ATP10A: variants seen among roughly 807,000 people sequenced by gnomAD.
ATP10A encodes the protein phospholipid-transporting ATPase VA.
ATP10A carries 111 observed loss-of-function variants against 147.8 expected under a neutral mutation model. The observed-to-expected ratio is 0.75, with a 90% CI of 0.64 to 0.88. The LOEUF (loss-of-function observed/expected upper bound fraction) is 0.88, where lower values mean the gene tolerates loss of function less well. ATP10A is among the 40% of genes least tolerant of loss of function. The probability of loss-of-function intolerance (pLI) is 0.00; values close to 1 mark genes in which losing one functional copy is unlikely to be tolerated. For synonymous variants in ATP10A, 875 were observed against 841.6 expected, an observed-to-expected ratio of 1.04 and a Z score of -0.69; for missense variants, 1,927 against 1,959.0, an observed-to-expected ratio of 0.98 and a Z score of 0.31.
intron 10 of ATP10A, 32 bp downstream of exon 10, chr15:25,713,642 G>A (rs778231338): frequency 3.1e-6 from 5 of 1,601,896 alleles, no homozygotes; most frequent in Admixed American, 1.7e-5. Context: ...CCTCCCCCGA[G>A]CTGGGGTGCA....
At chr15:25,864,783 A>G (rs1032163229), upstream of ATP10A, among the ~76,000 whole-genome samples, 4 of 152,184 alleles carry the variant, frequency 2.6e-5, no homozygotes, top group Admixed American at 6.5e-5. Flanking sequence ...GAAGGCCCAC[A>G]GCGCCTGCAG....
chr15:25,789,565 A>AGTGTGTGTGTGTGTGTGTGTGTGTGT (rs59744412), intron 1 of ATP10A, among the ~76,000 whole-genome samples: 99 of 141,436 alleles, frequency 7.0e-4, no homozygotes, highest in African/African-American at 2.1e-3. Flanking sequence ...CCAATAAAGA[A>AGTGTGTGTGTGTGTGTGTGTGTGTGT]GTGTGTGTGT....
chr15:25,859,608 T>C (rs1255414858), intron 1 of ATP10A, among the ~76,000 whole-genome samples: 1 of 151,152 alleles, frequency 6.6e-6, no homozygotes, highest in Non-Finnish European at 1.5e-5. Context: ...TCCCCCAACC[T>C]GCTGAGCGTG....
rs1205886379 is a variant in ATP10A, at chr15:25,687,062, C to A, written c.3291+641G>T. ...AGGGTGGGAAGGCCCGAAGGGCACC[C>A]CCTTCCTGCTGGGTCTGAGCCTCCC... On this transcript the variant is annotated intron_variant, in intron 16 of 20. Transcript: ENST00000555815. Among the ~76,000 whole-genome samples the A allele has an allele frequency of 3.7e-5, 4 of 107,570 alleles. 1 individual carries two copies. In the East Asian group the frequency reaches 1.1e-3, roughly 30 times the overall value. 70.6% of individuals were successfully genotyped at this position (107,570 alleles called of 152,430 possible). A position where few individuals can be genotyped will look rare whatever the true frequency, so the allele number is the denominator to read the frequency against.
At chr15:25,675,920 T>TG (rs1389982040), downstream of ATP10A, among the ~76,000 whole-genome samples, 1 of 149,972 alleles carries the variant, frequency 6.7e-6, no homozygotes, top group African/African-American at 2.5e-5. Context: ...CACTCCAGCC[T>TG]GGGCAACAGA....
chr15:25,862,684 T>C lies in ATP10A; in HGVS notation c.413A>G (p.His138Arg), dbSNP rs747255151. The C allele has an allele frequency of 6.2e-7, 1 of 1,601,970 alleles. No homozygotes were observed. Among genetic ancestry groups the C allele is most frequent in the Non-Finnish European group, 8.5e-7 (1 of 1,172,152 alleles). The change falls in exon 1 of 21, where the codon CAC becomes CGC. Residue 138 changes from histidine (H) to arginine (R), a missense_variant. His to Arg is a conservative substitution (Grantham distance 29). Transcript: ENST00000555815. ...WEDYSRHRSDHKINHLGCLVF... is the reference protein window; with the variant it reads ...WEDYSRHRSDRKINHLGCLVF... ...CAGGCAGCCCAGGTGGTTGATCTTG[T>C]GGTCGGAGCGGTGGCGGCTGTAGTC...
intron 2 of ATP10A, among the ~76,000 whole-genome samples, chr15:25,771,025 C>T (rs1180314032): frequency 6.6e-6 from 1 of 152,154 alleles, no homozygotes. Context: ...AGTGAAAATG[C>T]TGTAGAAAGT....
chr15:25,681,140 A>G (rs1567295645), intron 17 of ATP10A, 66 bp from the exon 18 acceptor site: 4 of 1,501,362 alleles, frequency 2.7e-6, no homozygotes, highest in East Asian at 2.3e-5. Context: ...AAGCAGTTAG[A>G]ATAAAAATGG....
At chr15:25,760,509 T>C (rs551460105) in intron 2 of ATP10A, among the ~76,000 whole-genome samples, 11 of 152,336 alleles carry the variant, frequency 7.2e-5, no homozygotes, top group Admixed American at 7.2e-4. Flanking sequence ...TTGCAAGCAC[T>C]TACAATCTTC....
At chr15:25,760,846 T>C (rs1352548009) in intron 2 of ATP10A, among the ~76,000 whole-genome samples, 1 of 152,166 alleles carries the variant, frequency 6.6e-6, no homozygotes, top group Non-Finnish European at 1.5e-5. Context: ...CATACATACA[T>C]ACAAGCATAC....
downstream of ATP10A, chr15:25,677,620 C>CT (rs1448185100): frequency 6.6e-6 from 1 of 152,280 alleles, no homozygotes; most frequent in African/African-American, 2.4e-5. Flanking sequence ...GATTCTTTTC[C>CT]TATGCGTTGT....
chr15:25,786,617 CTTTTTTT>C (rs35892408), intron 1 of ATP10A, among the ~76,000 whole-genome samples: 4 of 68,900 alleles, frequency 5.8e-5, no homozygotes, highest in African/African-American at 1.3e-4. Context: ...TCATTATCAT[CTTTTTTT>C]TTTTTTTTTT....
At chr15:25,741,146 T>C (rs932369137) in intron 2 of ATP10A, among the ~76,000 whole-genome samples, 8 of 152,250 alleles carry the variant, frequency 5.3e-5, no homozygotes, top group African/African-American at 1.9e-4. Flanking sequence ...TGGCTGGAGC[T>C]GGCTCCCATT....
chr15:25,854,477 A>G (rs1379484624), intron 1 of ATP10A, among the ~76,000 whole-genome samples: 1 of 152,222 alleles, frequency 6.6e-6, no homozygotes, highest in Non-Finnish European at 1.5e-5. Flanking sequence ...TAATTACTAC[A>G]GACTTCATGG....
At chr15:25,688,379 C>T (rs1029698911) in intron 15 of ATP10A, among the ~76,000 whole-genome samples, 35 of 152,272 alleles carry the variant, frequency 2.3e-4, no homozygotes, top group South Asian at 1.0e-3. Flanking sequence ...ACCCAGGACG[C>T]CGGGTGCGGG....
chr15:25,681,033 G>A lies in ATP10A; in HGVS notation c.3534C>T (p.Ala1178=), dbSNP rs759084161. ...PRTFWFNMAD[A]AFQSLVCFSI... The stretch of plus-strand genomic sequence containing the variant: ...AAAAGCAAACCAGGCTCTGGAAGGC[G>A]GCGTCGGCCATGTTAAACCAGAACG... The change falls in exon 18 of 21, where the codon GCC becomes GCT. Residue 1178 remains alanine (A), a synonymous_variant. Coordinates refer to ENST00000555815, the MANE Select transcript of ATP10A (RefSeq NM_024490.4). The A allele has an allele frequency of 6.2e-6, 10 of 1,613,994 alleles. No individual in the cohort carries two copies. In the African/African-American group the frequency reaches 9.3e-5, roughly 15 times the overall value.
At chr15:25,686,060 T>G (rs1208347437) in intron 16 of ATP10A, among the ~76,000 whole-genome samples, 1 of 152,028 alleles carries the variant, frequency 6.6e-6, no homozygotes, top group East Asian at 1.9e-4. Context: ...AGGAGTGGTG[T>G]GACACAGCCT....
intron 1 of ATP10A, among the ~76,000 whole-genome samples, chr15:25,859,862 C>G (rs1307815855): frequency 6.6e-6 from 1 of 152,094 alleles, no homozygotes; most frequent in Non-Finnish European, 1.5e-5. Context: ...TCCCAGAAGT[C>G]ACTTCTGGGA....
chr15:25,749,474 G>A (rs895879739), intron 2 of ATP10A, among the ~76,000 whole-genome samples: 1 of 152,142 alleles, frequency 6.6e-6, no homozygotes, highest in Non-Finnish European at 1.5e-5. Context: ...CAGGAGTGGA[G>A]AACAATTAAC....
Sources: gnomAD v4.1 joint callset for allele counts (sites outside exome capture counted in the v4.1 genomes callset) on GRCh38, gnomAD v4.1.1 for gene constraint, MANE v1.5 for transcripts, NCBI Gene and HGNC (gene_info 2026-07-23, HGNC 2026-07-21) for gene names.